IQSEC1: variants seen among roughly 807,000 people sequenced by gnomAD.
The protein encoded by IQSEC1 is IQ motif and SEC7 domain-containing protein 1.
IQSEC1 carries 31 observed loss-of-function variants against 91.0 expected under a neutral mutation model. The ratio of observed to expected loss-of-function variants is 0.34; its 90% confidence interval spans 0.26 to 0.46. The LOEUF is 0.46. IQSEC1 is among the 20% of genes least tolerant of loss of function. The pLI is 1.00. For missense variants in IQSEC1, 1,388 were observed against 1,575.6 expected (o/e 0.88, Z 2.02); for synonymous variants, 699 against 662.6 (o/e 1.05, Z -0.84).
chr3:13,154,555 C>T (rs1319395169), intron 2 of IQSEC1, among the ~76,000 whole-genome samples: 1 of 146,208 alleles, frequency 6.8e-6, no homozygotes, highest in African/African-American at 2.5e-5. Flanking sequence ...CTTCAATACC[C>T]TGTTCTCCAT....
intron 7 of IQSEC1, among the ~76,000 whole-genome samples, chr3:12,915,373 C>G (rs1178164607): frequency 6.6e-6 from 1 of 152,228 alleles, no homozygotes; most frequent in Non-Finnish European, 1.5e-5. Flanking sequence ...CCTGCTAGAT[C>G]ATTAAGAGCC....
At chr3:13,022,981 CT>C (rs1703469471) in intron 1 of IQSEC1, among the ~76,000 whole-genome samples, 2 of 152,206 alleles carry the variant, frequency 1.3e-5, no homozygotes, top group Admixed American at 1.3e-4. Flanking sequence ...CTAAGCCCTC[CT>C]CAGGCCAAGA....
intron 1 of IQSEC1, among the ~76,000 whole-genome samples, chr3:13,227,375 CAAAA>C (rs753199634): frequency 2.9e-5 from 2 of 70,066 alleles, no homozygotes; most frequent in Admixed American, 1.8e-4. Context: ...GACTCTGTCT[CAAAA>C]AAAAAAAAAA....
intron 1 of IQSEC1, among the ~76,000 whole-genome samples, chr3:13,068,638 C>T (rs1404152038): frequency 1.3e-5 from 2 of 152,202 alleles, no homozygotes; most frequent in South Asian, 2.1e-4. Context: ...TACCTCTCTT[C>T]TTGGTCCACT....
intron 1 of IQSEC1, chr3:13,053,092 G>T: frequency 1.0e-6 from 1 of 968,906 alleles, no homozygotes; most frequent in Non-Finnish European, 1.7e-6. Context: ...GCCAGGAATC[G>T]CTTACTCCTG....
intron 2 of IQSEC1, among the ~76,000 whole-genome samples, chr3:13,116,623 G>A (rs867102374): frequency 2.0e-5 from 3 of 152,202 alleles, no homozygotes; most frequent in Middle Eastern, 3.4e-3. Flanking sequence ...ACTCCCGGCC[G>A]GGCGCAGTGC....
intron 9 of IQSEC1, among the ~76,000 whole-genome samples, chr3:12,912,528 A>G (rs1277656028): frequency 6.6e-6 from 1 of 152,212 alleles, no homozygotes; most frequent in African/African-American, 2.4e-5. Flanking sequence ...TACCCAATCA[A>G]GAACATGGGC....
chr3:13,224,581 T>C (rs1694719687), intron 1 of IQSEC1, among the ~76,000 whole-genome samples: 1 of 152,124 alleles, frequency 6.6e-6, no homozygotes, highest in Non-Finnish European at 1.5e-5. Flanking sequence ...ATCTCCGCAG[T>C]GCTCACCAGG....
At chr3:13,038,543 C>CA (rs1174399854) in intron 1 of IQSEC1, among the ~76,000 whole-genome samples, 1 of 151,448 alleles carries the variant, frequency 6.6e-6, no homozygotes, top group East Asian at 1.9e-4. Flanking sequence ...TTAATGAATA[C>CA]AAAAAATAGA....
intron 2 of IQSEC1, among the ~76,000 whole-genome samples, chr3:13,161,500 C>T (rs1707176325): frequency 6.6e-6 from 1 of 152,154 alleles, no homozygotes; most frequent in Non-Finnish European, 1.5e-5. Flanking sequence ...TCTGAATGAT[C>T]TGGGACCTCT....
chr3:13,183,370 C>T (rs1693878793), intron 1 of IQSEC1, among the ~76,000 whole-genome samples: 1 of 148,544 alleles, frequency 6.7e-6, no homozygotes, highest in Non-Finnish European at 1.5e-5. Flanking sequence ...AGTTTGAGAC[C>T]AGCCTGGCAA....
chr3:13,252,730 T>TTTTTTTTTG lies in IQSEC1; in HGVS notation c.272+29980_272+29981insCAAAAAAAA, dbSNP rs60219953. ...TCTTATTATCTATGTTTTTTTTTGTTTTTGTTTGTTTGTTTGTTTTGAGAC... is the reference window on the plus strand; with the variant it reads ...TCTTATTATCTATGTTTTTTTTTGTTTTTTTTTTGTTTGTTTGTTTGTTTGTTTTGAGAC... On this transcript the variant is annotated intron_variant, in intron 1 of 15. Coordinates refer to the IQSEC1 transcript ENST00000648114. Among the ~76,000 whole-genome samples the TTTTTTTTTG allele has an allele frequency of 7.9e-3, 1,195 of 150,940 alleles. 25 individuals carry two copies. Among genetic ancestry groups the TTTTTTTTTG allele is most frequent in the African/African-American group, 0.028 (1,123 of 40,628 alleles).
In IQSEC1 at chr3:13,034,791, C is replaced by T. The variant is rs557390856; in HGVS notation, c.23+38201G>A. ...CCTCTGGGGTATTTCTCACCTGCAC[C>T]GGCTCCTGAATCTCACCAGCCCAAC... On this transcript the variant is annotated intron_variant, in intron 1 of 13. Transcript: ENST00000613206. 8.5e-5 allele frequency among the ~76,000 whole-genome samples: 13 copies of T among 152,332 alleles called. No individual in the cohort carries two copies. In the South Asian group the frequency reaches 1.7e-3, roughly 19 times the overall value.
At chr3:13,167,961 C>T (rs1018823843) in intron 1 of IQSEC1, among the ~76,000 whole-genome samples, 5 of 152,166 alleles carry the variant, frequency 3.3e-5, no homozygotes, top group South Asian at 2.1e-4. Context: ...AATGAGCTCC[C>T]GGCTGGAAGG....
chr3:13,257,807 A>G (rs1695317986), intron 1 of IQSEC1, among the ~76,000 whole-genome samples: 1 of 152,250 alleles, frequency 6.6e-6, no homozygotes, highest in Non-Finnish European at 1.5e-5. Flanking sequence ...CGGCCCAGCA[A>G]TCACACTCCT....
chr3:13,057,603 C>T lies in IQSEC1; in HGVS notation c.23+15389G>A, dbSNP rs113426749. Among the ~76,000 whole-genome samples the T allele has an allele frequency of 1.1e-3, 166 of 152,328 alleles. 1 individual carries two copies. Among genetic ancestry groups the T allele is most frequent in the African/African-American group, 3.6e-3 (150 of 41,576 alleles). On this transcript the variant is annotated intron_variant, in intron 1 of 13. Coordinates refer to ENST00000613206, the MANE Select transcript of IQSEC1 (RefSeq NM_001134382.3). ...GTCCCCAGCCCTGGTCTTAGGTGGC[C>T]GAGCACAGACAGGAGAAGCACCTGG...
At position 12,979,510 on chromosome 3, in the gene IQSEC1, A is replaced by G. The variant is rs1219409455; in HGVS notation, c.24-37645T>C. On this transcript the variant is annotated intron_variant, in intron 1 of 13. Coordinates refer to ENST00000613206, the MANE Select transcript of IQSEC1 (RefSeq NM_001134382.3). This position sits in a 1 kb window ranked among gnomAD's most constrained non-coding sequence, Gnocchi z 4.3. ...ACACATGCACGCAGCACGCGCACAC[A>G]CACACTCTAAGATGTCCCTGGACAG... Among the ~76,000 whole-genome samples the G allele has an allele frequency of 6.6e-6, 1 of 152,206 alleles. No individual in the cohort carries two copies. Among genetic ancestry groups the G allele is most frequent in the Non-Finnish European group, 1.5e-5 (1 of 68,024 alleles).
chr3:13,144,279 G>A (rs927854226), intron 2 of IQSEC1, among the ~76,000 whole-genome samples: 3 of 152,166 alleles, frequency 2.0e-5, no homozygotes, highest in Admixed American at 6.5e-5. Flanking sequence ...CTGCACGCCC[G>A]GGCTCTGGCT....
At chr3:13,076,654 C>T (rs560231476), upstream of IQSEC1, among the ~76,000 whole-genome samples, 13 of 152,250 alleles carry the variant, frequency 8.5e-5, no homozygotes, top group African/African-American at 2.6e-4. Context: ...CCCCCACCCC[C>T]GCTGCTCCGT....
Sources: gnomAD v4.1 joint callset for allele counts (sites outside exome capture counted in the v4.1 genomes callset) on GRCh38, gnomAD v4.1.1 for gene constraint, Gnocchi (gnomAD v3.1) non-coding constraint, MANE v1.5 for transcripts, NCBI Gene and HGNC (gene_info 2026-07-23, HGNC 2026-07-21) for gene names.